Variants in FAM107B observed in about 807,000 individuals in gnomAD.
FAM107B encodes protein FAM107B.
In FAM107B, 21 loss-of-function variants were observed where a neutral mutation model predicts 31.5. That is an observed-to-expected ratio of 0.67 (90% CI 0.47 to 0.96). The LOEUF is 0.96. Among genes scored for constraint, FAM107B ranks in the 40% least tolerant of loss-of-function variants. The probability of loss-of-function intolerance (pLI) is 0.00; values close to 1 mark genes in which losing one functional copy is unlikely to be tolerated. For missense variants in FAM107B, 452 were observed against 377.1 expected (o/e 1.20, Z -1.64); for synonymous variants, 157 against 141.5 (o/e 1.11, Z -0.78).
intron 2 of FAM107B, among the ~76,000 whole-genome samples, chr10:14,568,446 GGT>G (rs1491060686): frequency 7.9e-4 from 6 of 7,570 alleles, no homozygotes; most frequent in Non-Finnish European, 1.8e-3. Flanking sequence ...AAGATACTCA[GGT>G]AAGAGGAGGC....
At chr10:14,689,222 A>T (rs910003658) in intron 1 of FAM107B, among the ~76,000 whole-genome samples, 5 of 151,958 alleles carry the variant, frequency 3.3e-5, no homozygotes, top group Admixed American at 1.3e-4. Context: ...TCTAAAAAAA[A>T]TACAAAAATT....
intron 2 of FAM107B, among the ~76,000 whole-genome samples, chr10:14,582,896 G>C (rs1325120929): frequency 2.0e-5 from 3 of 151,900 alleles, no homozygotes; most frequent in Non-Finnish European, 2.9e-5. Flanking sequence ...GATCGGCCTG[G>C]CCAACATGGC....
chr10:14,588,135 G>A (rs543887705), intron 2 of FAM107B, among the ~76,000 whole-genome samples: 151 of 152,216 alleles, frequency 9.9e-4, no homozygotes, highest in African/African-American at 3.5e-3. Context: ...ATAAATAGGC[G>A]GTTTTTGAAA....
At chr10:14,548,333 T>A in intron 2 of FAM107B, 1 of 809,904 alleles carries the variant, frequency 1.2e-6, no homozygotes, top group Non-Finnish European at 1.5e-6. Context: ...CAGGGAGGCC[T>A]CAGGGACCAG....
chr10:14,604,785 CTCT>C (rs987455620), intron 2 of FAM107B, among the ~76,000 whole-genome samples: 7 of 152,294 alleles, frequency 4.6e-5, no homozygotes, highest in Admixed American at 2.0e-4. Flanking sequence ...CACACATTCT[CTCT>C]TCTTTTATCT....
chr10:14,659,750 T>C (rs1288943211), intron 2 of FAM107B, among the ~76,000 whole-genome samples: 1 of 152,080 alleles, frequency 6.6e-6, no homozygotes, highest in Non-Finnish European at 1.5e-5. Flanking sequence ...AGAAAATGGG[T>C]CTCGTTTTGT....
At chr10:14,757,297 C>T (rs1832949467) in intron 1 of FAM107B, among the ~76,000 whole-genome samples, 1 of 148,104 alleles carries the variant, frequency 6.8e-6, no homozygotes, top group Non-Finnish European at 1.5e-5. Context: ...AATAGATTCA[C>T]AATAAATATT....
chr10:14,559,738 A>ATT (rs56026288), intron 2 of FAM107B, among the ~76,000 whole-genome samples: 130 of 142,974 alleles, frequency 9.1e-4, no homozygotes, highest in African/African-American at 2.9e-3. Context: ...CGCCTGGCTA[A>ATT]TTTTTTTTTT....
In FAM107B at chr10:14,659,463, A is replaced by AACAAG. The variant is rs1854167598; in HGVS notation, c.469+8166_469+8170dup. On this transcript the variant is annotated intron_variant, in intron 2 of 4. Transcript: ENST00000181796. ...CTCAAAACAAAACAAAACAAAACAA[A>AACAAG]ACAAGCAAACAAAAAACTGTCTGCC... Among the ~76,000 whole-genome samples the AACAAG allele has an allele frequency of 2.0e-5, 3 of 151,604 alleles. No homozygotes were observed. The South Asian group carries it at 6.3e-4, about 32-fold the overall frequency.
intron 2 of FAM107B, among the ~76,000 whole-genome samples, chr10:14,592,562 CTTTG>C (rs1564591144): frequency 1.3e-5 from 2 of 152,248 alleles, no homozygotes; most frequent in Non-Finnish European, 2.9e-5. Flanking sequence ...TGTAGTTTGG[CTTTG>C]TTTTTCGTGT....
At chr10:14,630,053 C>G (rs1339555675) in intron 2 of FAM107B, among the ~76,000 whole-genome samples, 1 of 152,094 alleles carries the variant, frequency 6.6e-6, no homozygotes, top group Non-Finnish European at 1.5e-5. Flanking sequence ...AGAGCTTTAT[C>G]TCCTTCCACA....
intron 1 of FAM107B, among the ~76,000 whole-genome samples, chr10:14,702,042 TTTC>T (rs1365015858): frequency 6.6e-6 from 1 of 152,272 alleles, no homozygotes; most frequent in Non-Finnish European, 1.5e-5. Flanking sequence ...AATTCCTGTA[TTTC>T]TTCTTTTCAG....
intron 2 of FAM107B, among the ~76,000 whole-genome samples, chr10:14,575,960 A>C (rs1191049107): frequency 6.6e-6 from 1 of 152,238 alleles, no homozygotes. Flanking sequence ...ACAGGTCTTG[A>C]AGACATCACG....
At chr10:14,642,316 T>A (rs750738826) in intron 2 of FAM107B, among the ~76,000 whole-genome samples, 4 of 152,176 alleles carry the variant, frequency 2.6e-5, no homozygotes, top group Non-Finnish European at 4.4e-5. Flanking sequence ...GAAGGCTGTG[T>A]CCCCAAGGCT....
In FAM107B at chr10:14,530,497, A is replaced by G; in HGVS notation, c.488T>C (p.Ile163Thr). The G allele has an allele frequency of 6.2e-7, 1 of 1,613,118 alleles. No individual in the cohort carries two copies. Among genetic ancestry groups the G allele is most frequent in the Non-Finnish European group, 8.5e-7 (1 of 1,179,842 alleles). ...AATGAGATATGAGTCCTTATGGTCA[A>G]TATCCTCAGGTGGGCTGTCTGAAAG... ...KMTSDSPPED[I>T]DHKDSYLITR... The change falls in exon 3 of 5, where the codon ATT (isoleucine) becomes ACT (threonine). Residue 163 changes from isoleucine to threonine, a missense_variant. Coordinates refer to ENST00000181796, the MANE Select transcript of FAM107B (RefSeq NM_031453.4).
chr10:14,635,160 A>C (rs1204516698), intron 2 of FAM107B, among the ~76,000 whole-genome samples: 1 of 151,388 alleles, frequency 6.6e-6, no homozygotes, highest in African/African-American at 2.4e-5. Context: ...GGAGGGGAAG[A>C]AAAAGAAACA....
At chr10:14,739,483 C>T (rs997497002) in intron 1 of FAM107B, among the ~76,000 whole-genome samples, 12 of 152,218 alleles carry the variant, frequency 7.9e-5, no homozygotes, top group African/African-American at 2.7e-4. Flanking sequence ...CTTCTGATAA[C>T]AGCACGTTGG....
intron 1 of FAM107B, among the ~76,000 whole-genome samples, chr10:14,758,343 A>T (rs542762628): frequency 1.3e-5 from 2 of 152,278 alleles, no homozygotes; most frequent in Non-Finnish European, 2.9e-5. Flanking sequence ...ATTTCACGGA[A>T]ATACTGCCAG....
chr10:14,528,182 T>TTTA lies in FAM107B; in HGVS notation c.653+2149_653+2150insTAA, dbSNP rs1429104295. On this transcript the variant is annotated intron_variant, in intron 3 of 4. Transcript: ENST00000181796. ...ATTTACTTTAAGTTTTGGTTTTTTT[T>TTTA]TTTTTTTTTTTTTTTTAGAGACAGA... 11 of 179,048 alleles carry TTTA rather than the reference T, an allele frequency of 6.1e-5. No homozygotes were observed. The East Asian group carries it at 1.1e-3, about 18-fold the overall frequency. 11.1% of individuals were successfully genotyped at this position (179,048 alleles called of 1,614,324 possible).
Sources: allele counts gnomAD v4.1 joint callset (sites outside exome capture counted in the v4.1 genomes callset), GRCh38; gene constraint gnomAD v4.1.1; transcripts MANE v1.5; gene names NCBI Gene and HGNC (gene_info 2026-07-23, HGNC 2026-07-21).